HECW1: variants seen among roughly 807,000 people sequenced by gnomAD.
HECW1 encodes the protein HECT, C2 and WW domain containing E3 ubiquitin protein ligase 1, also known as E3 ubiquitin-protein ligase HECW1.
In HECW1, 61 loss-of-function variants were observed where a neutral mutation model predicts 182.3. The observed-to-expected ratio is 0.33, with a 90% CI of 0.27 to 0.41. The LOEUF is 0.41. Among genes scored for constraint, HECW1 ranks in the 10% least tolerant of loss-of-function variants. The probability of loss-of-function intolerance (pLI) is 1.00; values close to 1 mark genes in which losing one functional copy is unlikely to be tolerated. For synonymous variants in HECW1, 859 were observed against 832.6 expected (o/e 1.03, Z -0.55); for missense variants, 1,739 against 2,108.9 (o/e 0.82, Z 3.44).
intron 26 of HECW1, among the ~76,000 whole-genome samples, 189 bp downstream of exon 26, chr7:43,542,187 A>G (rs2081386720): frequency 6.6e-6 from 1 of 152,030 alleles, no homozygotes; most frequent in South Asian, 2.1e-4. Context: ...TTAAACAATA[A>G]CTTTCCATTT....
chr7:43,196,553 G>A (rs1794476617), intron 2 of HECW1, among the ~76,000 whole-genome samples: 1 of 152,188 alleles, frequency 6.6e-6, no homozygotes, highest in Non-Finnish European at 1.5e-5. Context: ...GGCTCTCAGA[G>A]GGTAACTGCA....
intron 24 of HECW1, among the ~76,000 whole-genome samples, chr7:43,530,735 C>T (rs1183431288): frequency 6.6e-6 from 1 of 152,168 alleles, no homozygotes; most frequent in Non-Finnish European, 1.5e-5. Flanking sequence ...ATTAATCTCT[C>T]CCACCAAGCC....
chr7:43,360,873 GT>G lies in HECW1; in HGVS notation c.461-10del, dbSNP rs1815792084. The G allele has an allele frequency of 6.2e-7, 1 of 1,608,380 alleles. No homozygotes were observed. The highest frequency in any genetic ancestry group is 1.3e-5 in the African/African-American group (1 of 74,780). ...ACCCTACTTCTCAGTCTCATTTTTT[GT>G]TTGTCTTTCAGCTGAAACTAAGATC... On this transcript the variant is annotated splice_polypyrimidine_tract_variant and intron_variant, in intron 5 of 29. Transcript: ENST00000395891.
intron 2 of HECW1, among the ~76,000 whole-genome samples, chr7:43,150,444 T>C (rs1481736702): frequency 6.6e-6 from 1 of 152,182 alleles, no homozygotes; most frequent in Non-Finnish European, 1.5e-5. Context: ...AGTGGTGCAA[T>C]GTCAGCTCGG....
chr7:43,380,835 T>A (rs1000404450), intron 6 of HECW1, among the ~76,000 whole-genome samples: 1 of 152,148 alleles, frequency 6.6e-6, no homozygotes, highest in African/African-American at 2.4e-5. Context: ...GGCCAATATA[T>A]GTAACTTTTG....
At chr7:43,292,584 G>A (rs1179979250) in intron 3 of HECW1, among the ~76,000 whole-genome samples, 1 of 152,236 alleles carries the variant, frequency 6.6e-6, no homozygotes, top group Non-Finnish European at 1.5e-5. Flanking sequence ...CAGAGCCTGA[G>A]AGGGAGCTCA....
intron 2 of HECW1, among the ~76,000 whole-genome samples, chr7:43,142,088 A>G (rs1382770099): frequency 6.6e-6 from 1 of 152,156 alleles, no homozygotes; most frequent in African/African-American, 2.4e-5. Flanking sequence ...GATAGAGAAA[A>G]TTCTCTGAGG....
At chr7:43,198,579 CCACACACACCATA>C (rs1204586473) in intron 2 of HECW1, among the ~76,000 whole-genome samples, 1 of 148,278 alleles carries the variant, frequency 6.7e-6, no homozygotes, top group Non-Finnish European at 1.5e-5. Flanking sequence ...CATTCACATA[CCACACACACCATA>C]CACACCCCAC....
rs1172295826 is a variant in HECW1, at chr7:43,445,380, A to G, written c.2208A>G (p.Gln736=). The G allele has an allele frequency of 6.2e-7, 1 of 1,613,670 alleles. No homozygotes were observed. Among genetic ancestry groups the G allele is most frequent in the Admixed American group, 1.7e-5 (1 of 60,032 alleles). ...KISESTVFSS[Q]DDEEEENSAF... ...CCGAGAGCACGGTCTTCTCCTCGCA[A>G]GACGACGAGGAGGAGGAGAACAGCG... Residue 736 remains glutamine (Q), a synonymous_variant, in exon 11 of 30, where the codon CAA becomes CAG. Transcript: ENST00000395891.
intron 2 of HECW1, among the ~76,000 whole-genome samples, chr7:43,213,991 A>G (rs1036623283): frequency 2.7e-4 from 41 of 152,062 alleles, no homozygotes; most frequent in Non-Finnish European, 5.6e-4. Flanking sequence ...AATTTATTAT[A>G]TAAGACCTTT....
At chr7:43,342,982 A>T (rs1813194778) in intron 5 of HECW1, among the ~76,000 whole-genome samples, 1 of 151,592 alleles carries the variant, frequency 6.6e-6, no homozygotes, top group Non-Finnish European at 1.5e-5. Context: ...GCCAAGATGC[A>T]CCACTGCACT....
intron 3 of HECW1, among the ~76,000 whole-genome samples, chr7:43,262,715 C>T (rs959667095): frequency 1.6e-4 from 25 of 152,176 alleles, no homozygotes; most frequent in African/African-American, 5.6e-4. Flanking sequence ...ATTTAAAATG[C>T]CATTTCCTCC....
chr7:43,471,259 C>T (rs1254712569), intron 16 of HECW1, among the ~76,000 whole-genome samples: 2 of 152,154 alleles, frequency 1.3e-5, no homozygotes, highest in Non-Finnish European at 2.9e-5. Context: ...ACAGGTTTCA[C>T]CCTCTAACTT....
chr7:43,128,527 T>C (rs1297648200), intron 2 of HECW1, among the ~76,000 whole-genome samples: 1 of 152,254 alleles, frequency 6.6e-6, no homozygotes, highest in African/African-American at 2.4e-5. Context: ...TCATTGACAA[T>C]GCACTTGGTC....
At chr7:43,277,386 G>GT (rs1412129936) in intron 3 of HECW1, among the ~76,000 whole-genome samples, 7 of 152,090 alleles carry the variant, frequency 4.6e-5, no homozygotes, top group African/African-American at 1.4e-4. Context: ...GTTCCGTTTG[G>GT]TTTTGTTTTA....
At chr7:43,251,050 G>A (rs946777048) in intron 3 of HECW1, among the ~76,000 whole-genome samples, 1 of 152,154 alleles carries the variant, frequency 6.6e-6, no homozygotes, top group African/African-American at 2.4e-5. Flanking sequence ...TCTGGTGTCA[G>A]GGACCCCACC....
At chr7:43,137,222 C>T (rs1377032987) in intron 2 of HECW1, among the ~76,000 whole-genome samples, 1 of 152,172 alleles carries the variant, frequency 6.6e-6, no homozygotes, top group African/African-American at 2.4e-5. Context: ...CATCTCCTCT[C>T]CCCTCCCTCC....
intron 7 of HECW1, among the ~76,000 whole-genome samples, chr7:43,401,794 A>G (rs2075425531): frequency 6.6e-6 from 1 of 151,828 alleles, no homozygotes; most frequent in Non-Finnish European, 1.5e-5. Flanking sequence ...CTGGAAACCC[A>G]TGGCCCTAAA....
chr7:43,488,419 AG>A (rs2078762966), intron 17 of HECW1, among the ~76,000 whole-genome samples: 1 of 119,452 alleles, frequency 8.4e-6, no homozygotes, highest in East Asian at 2.2e-4. Flanking sequence ...AAAGAGAGAG[AG>A]AGAAAGAAAG....
Sources: gnomAD v4.1 joint callset for allele counts (sites outside exome capture counted in the v4.1 genomes callset) on GRCh38, gnomAD v4.1.1 for gene constraint, MANE v1.5 for transcripts, NCBI Gene and HGNC (gene_info 2026-07-23, HGNC 2026-07-21) for gene names.